The following CSMD3 variants were observed in gnomAD, a reference collection of about 807,000 sequenced individuals.
CSMD3 encodes the protein CUB and sushi domain-containing protein 3.
In CSMD3, 177 loss-of-function variants were observed where a neutral mutation model predicts 435.2. That is an observed-to-expected ratio of 0.41 (90% CI 0.36 to 0.46). CSMD3 has a LOEUF of 0.46. CSMD3 is among the 20% of genes least tolerant of loss of function. CSMD3 has a pLI of 0.34. For synonymous variants in CSMD3, 1,656 were observed against 1,520.5 expected, an observed-to-expected ratio of 1.09 and a Z score of -2.07; for missense variants, 4,265 against 4,504.6, an observed-to-expected ratio of 0.95 and a Z score of 1.52.
intron 1 of CSMD3, among the ~76,000 whole-genome samples, chr8:113,350,275 T>G (rs2094181387): frequency 6.6e-6 from 1 of 152,178 alleles, no homozygotes; most frequent in Non-Finnish European, 1.5e-5. Flanking sequence ...TTTGTGGAAA[T>G]AATTTCTTGC....
chr8:112,618,391 A>G (rs1563774045), intron 22 of CSMD3, among the ~76,000 whole-genome samples: 1 of 138,016 alleles, frequency 7.2e-6, no homozygotes, highest in East Asian at 1.9e-4. Context: ...TAAGGACTGT[A>G]CTGTTCCTTT....
chr8:113,259,181 G>C (rs1435068631), intron 3 of CSMD3, among the ~76,000 whole-genome samples: 1 of 152,070 alleles, frequency 6.6e-6, no homozygotes, highest in Admixed American at 6.6e-5. Flanking sequence ...TGCCCTTGTG[G>C]TCTCATCCTT....
At chr8:113,286,699 A>G (rs553563175) in intron 2 of CSMD3, among the ~76,000 whole-genome samples, 1 of 146,342 alleles carries the variant, frequency 6.8e-6, no homozygotes, top group South Asian at 2.1e-4. Context: ...TACATTCTCT[A>G]AGAATGTAAA....
At chr8:112,924,404 A>G (rs747273999) in intron 9 of CSMD3, among the ~76,000 whole-genome samples, 1 of 152,132 alleles carries the variant, frequency 6.6e-6, no homozygotes, top group Non-Finnish European at 1.5e-5. Context: ...GATTCATTTA[A>G]TTACTATTTT....
chr8:112,410,664 A>ATATATATGTG, intron 32 of CSMD3, among the ~76,000 whole-genome samples: 1 of 102,436 alleles, frequency 9.8e-6, no homozygotes, highest in Non-Finnish European at 2.0e-5. Context: ...ATATATATGT[A>ATATATATGTG]TATATATATG....
intron 1 of CSMD3, among the ~76,000 whole-genome samples, chr8:113,360,417 C>T (rs1189193305): frequency 6.6e-6 from 1 of 152,014 alleles, no homozygotes; most frequent in Non-Finnish European, 1.5e-5. Flanking sequence ...GGTTTACATA[C>T]ATTGATTTAT....
intron 35 of CSMD3, among the ~76,000 whole-genome samples, chr8:112,398,134 G>C (rs997777924): frequency 6.6e-6 from 1 of 152,094 alleles, no homozygotes; most frequent in African/African-American, 2.4e-5. Flanking sequence ...ATCTTAAGCA[G>C]GACCAAAACC....
At chr8:112,331,490 A>G (rs1448957860) in intron 45 of CSMD3, among the ~76,000 whole-genome samples, 3 of 151,990 alleles carry the variant, frequency 2.0e-5, no homozygotes, top group Non-Finnish European at 4.4e-5. Flanking sequence ...AGGCTTTACG[A>G]AGGTGATGTT....
chr8:112,540,835 C>A (rs992023158), intron 27 of CSMD3, among the ~76,000 whole-genome samples: 1 of 151,814 alleles, frequency 6.6e-6, no homozygotes, highest in African/African-American at 2.4e-5. Context: ...ACAGAAGGCA[C>A]AAATTCTATT....
At chr8:112,947,081 A>G (rs2083635366) in intron 9 of CSMD3, among the ~76,000 whole-genome samples, 1 of 151,704 alleles carries the variant, frequency 6.6e-6, no homozygotes, top group South Asian at 2.1e-4. Flanking sequence ...CTGTAAAAAT[A>G]GGTATTTGTG....
chr8:112,261,820 A>G (rs1202973296), intron 61 of CSMD3, among the ~76,000 whole-genome samples: 1 of 151,862 alleles, frequency 6.6e-6, no homozygotes, highest in Non-Finnish European at 1.5e-5. Flanking sequence ...CTAATACTTG[A>G]TATTGTGTAA....
intron 5 of CSMD3, among the ~76,000 whole-genome samples, chr8:113,086,667 G>C (rs80334151): frequency 2.6e-5 from 4 of 152,054 alleles, no homozygotes; most frequent in Admixed American, 2.6e-4. Context: ...TTGGCTTTAC[G>C]TATGCTAATT....
chr8:112,526,979 C>T (rs753320143), intron 27 of CSMD3, among the ~76,000 whole-genome samples: 2 of 151,620 alleles, frequency 1.3e-5, no homozygotes, highest in Non-Finnish European at 2.9e-5. Context: ...GCTTTCTTTC[C>T]TCCCAAAAGA....
rs140157124 is a variant in CSMD3 at position 113,159,943 on chromosome 8, A to AAT, written c.709+13777_709+13778dup. 4.2e-3 allele frequency among the ~76,000 whole-genome samples: 626 copies of AAT among 150,186 alleles called. 4 individuals are homozygous for AAT. The highest frequency in any genetic ancestry group is 4.0e-3 in the Non-Finnish European group (272 of 67,258). On this transcript the variant is annotated intron_variant, in intron 4 of 70. Transcript: ENST00000297405. Reference sequence around the variant, plus strand: ...CCACTCTGGCTGGCAGCCAAGTCAGAATATATATATATATATTTCCACCAA... The same window carrying AAT: ...CCACTCTGGCTGGCAGCCAAGTCAGAATATATATATATATATATTTCCACCAA...
chr8:113,109,958 T>C (rs1260108022), intron 4 of CSMD3, among the ~76,000 whole-genome samples: 1 of 152,212 alleles, frequency 6.6e-6, no homozygotes, highest in Non-Finnish European at 1.5e-5. Context: ...CAGGAGTGGC[T>C]GAGAAGCACG....
chr8:113,284,761 T>G (rs1051379752), intron 2 of CSMD3, among the ~76,000 whole-genome samples: 12 of 152,192 alleles, frequency 7.9e-5, no homozygotes, highest in Non-Finnish European at 1.3e-4. Context: ...GGTTTTGATA[T>G]TTGTAAAATT....
chr8:113,271,298 C>G (rs1182237118), intron 3 of CSMD3, among the ~76,000 whole-genome samples: 1 of 152,114 alleles, frequency 6.6e-6, no homozygotes, highest in Non-Finnish European at 1.5e-5. Context: ...GAAAATATCT[C>G]CAGGGCACGT....
intron 49 of CSMD3, among the ~76,000 whole-genome samples, chr8:112,312,322 T>G (rs1822055471): frequency 6.6e-6 from 1 of 152,136 alleles, no homozygotes; most frequent in African/African-American, 2.4e-5. Context: ...TGGCGCTACC[T>G]TGGCTCATTG....
At chr8:112,942,980 G>C (rs191716862) in intron 9 of CSMD3, among the ~76,000 whole-genome samples, 1 of 151,518 alleles carries the variant, frequency 6.6e-6, no homozygotes, top group Non-Finnish European at 1.5e-5. Context: ...TTACTTTCTC[G>C]GCAGCATTTT....
Sources: gnomAD v4.1 joint callset for allele counts (sites outside exome capture counted in the v4.1 genomes callset) on GRCh38, gnomAD v4.1.1 for gene constraint, MANE v1.5 for transcripts, NCBI Gene and HGNC (gene_info 2026-07-23, HGNC 2026-07-21) for gene names.